DDR2: variants seen among roughly 807,000 people sequenced by gnomAD.
DDR2 encodes the protein discoidin domain receptor tyrosine kinase 2, also known as discoidin domain-containing receptor 2.
Under a neutral mutation model 94.9 loss-of-function variants are expected in DDR2, and 27 were observed. The observed-to-expected ratio is 0.28, with a 90% CI of 0.21 to 0.39. DDR2 has a LOEUF of 0.39. Among genes scored for constraint, DDR2 ranks in the 10% least tolerant of loss-of-function variants. The pLI, the probability that DDR2 is intolerant of heterozygous loss-of-function variation, is 1.00. For missense variants in DDR2, 783 were observed against 1,076.0 expected, an observed-to-expected ratio of 0.73 and a Z score of 3.81; for synonymous variants, 382 against 377.2, an observed-to-expected ratio of 1.01 and a Z score of -0.15.
intron 3 of DDR2, among the ~76,000 whole-genome samples, chr1:162,732,012 G>T (rs6680817): frequency 0.06 from 9,103 of 152,224 alleles, 571 homozygotes; most frequent in East Asian, 0.22. Flanking sequence ...CACTGTCTTT[G>T]TTAACCAGGA....
intron 2 of DDR2, among the ~76,000 whole-genome samples, chr1:162,689,367 G>A (rs1659851907): frequency 6.6e-6 from 1 of 152,150 alleles, no homozygotes; most frequent in African/African-American, 2.4e-5. Flanking sequence ...AACTGAAGAA[G>A]CATTAGCACC....
intron 9 of DDR2, among the ~76,000 whole-genome samples, chr1:162,763,044 C>A (rs1263465788): frequency 6.6e-6 from 1 of 151,950 alleles, no homozygotes; most frequent in Non-Finnish European, 1.5e-5. Context: ...GCCATGTTGG[C>A]CAGGCTGGTC....
intron 1 of DDR2, among the ~76,000 whole-genome samples, chr1:162,649,402 G>A (rs562656489): frequency 6.6e-6 from 1 of 152,284 alleles, no homozygotes; most frequent in South Asian, 2.1e-4. Context: ...GGTTGGTAGT[G>A]TCATGCAAAG....
intron 12 of DDR2, chr1:162,770,826 A>G (rs187299282): frequency 1.0e-5 from 4 of 401,796 alleles, no homozygotes; most frequent in East Asian, 5.8e-5. Flanking sequence ...CTCATTTTAC[A>G]TGTCGGGAAA....
At chr1:162,647,490 G>A (rs904596392) in intron 1 of DDR2, among the ~76,000 whole-genome samples, 3 of 152,196 alleles carry the variant, frequency 2.0e-5, no homozygotes, top group African/African-American at 7.2e-5. Flanking sequence ...AAGTTTATTA[G>A]AGAAGGAAAG....
chr1:162,770,047 T>C (rs1002125298), intron 11 of DDR2, among the ~76,000 whole-genome samples: 9 of 152,174 alleles, frequency 5.9e-5, no homozygotes, highest in Admixed American at 1.3e-4. Context: ...AATCTTTTTT[T>C]TTTAAGTGTT....
chr1:162,746,194 G>A (rs1406975251), intron 3 of DDR2, among the ~76,000 whole-genome samples: 1 of 152,240 alleles, frequency 6.6e-6, no homozygotes, highest in Non-Finnish European at 1.5e-5. Context: ...GGAAGTGCAA[G>A]TGGTTGGGGA....
rs534871462 is a variant in DDR2 at position 162,771,992 on chromosome 1, G to A, written c.1505-32G>A. The A allele has an allele frequency of 1.5e-5, 23 of 1,567,490 alleles. No individual in the cohort carries two copies. In the Admixed American group the frequency reaches 1.9e-4, roughly 13 times the overall value. ...GAAGAGATCTCCAAAGACACTCCAC[G>A]GAATGAGGGCTCGTTGCCCTTGTCT... On this transcript the variant is annotated intron_variant, in intron 12 of 17. Transcript: ENST00000367921.
intron 3 of DDR2, among the ~76,000 whole-genome samples, chr1:162,723,971 T>C (rs1489178208): frequency 6.6e-6 from 1 of 152,184 alleles, no homozygotes; most frequent in Non-Finnish European, 1.5e-5. Context: ...TTATTTTAGG[T>C]TCACCACTGT....
At chr1:162,735,792 G>T (rs1299653942) in intron 3 of DDR2, among the ~76,000 whole-genome samples, 2 of 152,236 alleles carry the variant, frequency 1.3e-5, no homozygotes, top group Non-Finnish European at 2.9e-5. Context: ...AAAAGCAGCT[G>T]CAGCAGCAGT....
At chr1:162,764,697 C>T (rs530372221) in intron 9 of DDR2, among the ~76,000 whole-genome samples, 3 of 151,788 alleles carry the variant, frequency 2.0e-5, no homozygotes, top group African/African-American at 7.3e-5. Flanking sequence ...TGTGGTGGCA[C>T]GTGCTTGCAG....
chr1:162,673,941 C>A (rs1004134724), intron 2 of DDR2, among the ~76,000 whole-genome samples: 1 of 152,002 alleles, frequency 6.6e-6, no homozygotes. Context: ...TTTACACATA[C>A]TCTCTCTCTA....
chr1:162,636,432 T>C (rs1240271031), intron 1 of DDR2, among the ~76,000 whole-genome samples: 1 of 152,206 alleles, frequency 6.6e-6, no homozygotes, highest in Non-Finnish European at 1.5e-5. Context: ...CGTCTGTGGC[T>C]TGTGATTTGT....
intron 3 of DDR2, among the ~76,000 whole-genome samples, chr1:162,727,666 G>A (rs1330459348): frequency 6.7e-6 from 1 of 148,702 alleles, no homozygotes; most frequent in Non-Finnish European, 1.5e-5. Flanking sequence ...CACTGTAATA[G>A]GTGCTGGTCA....
At chr1:162,742,177 T>A (rs758788993) in intron 3 of DDR2, among the ~76,000 whole-genome samples, 2 of 152,372 alleles carry the variant, frequency 1.3e-5, no homozygotes, top group Middle Eastern at 3.4e-3. Context: ...TTGATAAGAA[T>A]AGGCAAAGTG....
intron 2 of DDR2, among the ~76,000 whole-genome samples, chr1:162,705,742 C>T (rs1660632091): frequency 6.6e-6 from 1 of 152,210 alleles, no homozygotes; most frequent in East Asian, 1.9e-4. Context: ...GACTAGAACT[C>T]AGGCCCAGAG....
Position 162,660,996 on chromosome 1 carries a change from A to T in DDR2, c.-28+5622A>T, listed in dbSNP as rs531944472. 2.6e-5 allele frequency among the ~76,000 whole-genome samples: 4 copies of T among 152,328 alleles called. No homozygotes were observed. In the East Asian group the frequency reaches 7.7e-4, roughly 29 times the overall value. ...AGTGACTCTAAATATTTCCTTAAAG[A>T]ATCAAATAGCTATACTCTCTTGCCC... On this transcript the variant is annotated intron_variant, in intron 2 of 17. Coordinates refer to ENST00000367921, the MANE Select transcript of DDR2 (RefSeq NM_006182.4).
At chr1:162,695,356 G>A (rs549960104) in intron 2 of DDR2, among the ~76,000 whole-genome samples, 13 of 152,180 alleles carry the variant, frequency 8.5e-5, no homozygotes, top group Non-Finnish European at 1.9e-4. Flanking sequence ...CTCAGGCACC[G>A]AAGTAGCTGG....
intron 2 of DDR2, among the ~76,000 whole-genome samples, chr1:162,700,769 C>T (rs1660395464): frequency 2.0e-5 from 3 of 152,160 alleles, no homozygotes; most frequent in Admixed American, 6.6e-5. Context: ...GAAGATGCCT[C>T]TATGAGGTGT....
Sources: gnomAD v4.1 joint callset for allele counts (sites outside exome capture counted in the v4.1 genomes callset) on GRCh38, gnomAD v4.1.1 for gene constraint, MANE v1.5 for transcripts, NCBI Gene and HGNC (gene_info 2026-07-23, HGNC 2026-07-21) for gene names.